The following CELF2 variants were observed in gnomAD, a reference collection of about 807,000 sequenced individuals.
CELF2 encodes CUG triplet repeat RNA-binding protein 2.
Under a neutral mutation model 62.6 loss-of-function variants are expected in CELF2, and 8 were observed. That is an observed-to-expected ratio of 0.13 (90% CI 0.07 to 0.23). CELF2 has a LOEUF of 0.23. Among genes scored for constraint, CELF2 ranks in the 10% least tolerant of loss-of-function variants. The pLI, the probability that CELF2 is intolerant of heterozygous loss-of-function variation, is 1.00. For synonymous variants in CELF2, 258 were observed against 250.0 expected (o/e 1.03, Z -0.30); for missense variants, 333 against 671.0 (o/e 0.50, Z 5.56).
rs1031754643 is a variant in CELF2 at position 11,316,268 on chromosome 10, A to G, written c.1096+2010A>G. Among the ~76,000 whole-genome samples, 2 of 152,386 alleles carry G rather than the reference A, an allele frequency of 1.3e-5. No homozygotes were observed. Among genetic ancestry groups the G allele is most frequent in the East Asian group, 3.9e-4 (2 of 5,192 alleles). On this transcript the variant is annotated intron_variant, in intron 10 of 12. Coordinates refer to ENST00000633077, the MANE Select transcript of CELF2 (RefSeq NM_001326342.2). The surrounding 1 kb of genome is among the most constrained non-coding windows in gnomAD (Gnocchi z 4.4). ...AGAAAACGAAGAAAGAATGTTTGTC[A>G]TTTCAAATAACCCCTGCTAGATAGT...
chr10:11,056,887 G>A (rs182385363), intron 1 of CELF2, among the ~76,000 whole-genome samples: 1 of 152,262 alleles, frequency 6.6e-6, no homozygotes, highest in Admixed American at 6.5e-5. Context: ...ACTGGGGGAA[G>A]TCTGTGCAGG....
chr10:11,225,477 T>G (rs775716309), intron 3 of CELF2, among the ~76,000 whole-genome samples: 2 of 152,228 alleles, frequency 1.3e-5, no homozygotes, highest in African/African-American at 4.8e-5. Context: ...ATCTCTACAC[T>G]GTGACTTAAC....
chr10:10,646,444 GT>G, the CELF2 span, among the ~76,000 whole-genome samples: 2 of 152,152 alleles, frequency 1.3e-5, no homozygotes, highest in Non-Finnish European at 2.9e-5. Context: ...GCTTCACTTG[GT>G]TTTTTGCACG....
At chr10:11,101,386 T>C (rs1439350719) in intron 1 of CELF2, among the ~76,000 whole-genome samples, 1 of 152,190 alleles carries the variant, frequency 6.6e-6, no homozygotes, top group African/African-American at 2.4e-5. Flanking sequence ...ATTTCAGCCA[T>C]GGGTGTGAAT....
At chr10:11,197,491 G>A (rs1171097357) in intron 2 of CELF2, among the ~76,000 whole-genome samples, 1 of 152,208 alleles carries the variant, frequency 6.6e-6, no homozygotes, top group Non-Finnish European at 1.5e-5. Flanking sequence ...ATCATTTTCT[G>A]TACTCTCCAG....
Position 10,823,571 on chromosome 10 carries a change from T to G in CELF2, c.53+24754T>G, listed in dbSNP as rs183070085. The stretch of plus-strand genomic sequence containing the variant: ...CTGTATGTGTATCTGTGTATGCATG[T>G]TTTCTTATGCACAAAAAAAAATAGA... On this transcript the variant is annotated intron_variant, in intron 1 of 13. Coordinates refer to the CELF2 transcript ENST00000636488. Among the ~76,000 whole-genome samples the G allele has an allele frequency of 5.1e-3, 534 of 104,272 alleles. 12 individuals carry two copies. Among genetic ancestry groups the G allele is most frequent in the Admixed American group, 5.1e-3 (50 of 9,820 alleles). 68.4% of individuals were successfully genotyped at this position (104,272 alleles called of 152,430 possible).
At chr10:10,715,069 T>C in the CELF2 span, among the ~76,000 whole-genome samples, 1 of 152,146 alleles carries the variant, frequency 6.6e-6, no homozygotes, top group African/African-American at 2.4e-5. Context: ...CTAGCAGCCA[T>C]AACCAATTGA....
chr10:11,249,433 A>G (rs2076510455), intron 4 of CELF2, among the ~76,000 whole-genome samples: 1 of 152,170 alleles, frequency 6.6e-6, no homozygotes, highest in South Asian at 2.1e-4. Context: ...TGTTACAAGC[A>G]GTGGCTTTCT....
intron 1 of CELF2, among the ~76,000 whole-genome samples, chr10:10,915,207 A>C (rs2064214592): frequency 6.6e-6 from 1 of 152,110 alleles, no homozygotes; most frequent in African/African-American, 2.4e-5. Context: ...ATGATAACTA[A>C]GGAAAGGAAA....
chr10:10,859,365 G>C (rs2133073611), intron 1 of CELF2, among the ~76,000 whole-genome samples: 1 of 152,244 alleles, frequency 6.6e-6, no homozygotes, highest in African/African-American at 2.4e-5. Context: ...TGGTTAAGAA[G>C]AGGCTAAATG....
chr10:10,752,509 T>C, the CELF2 span, among the ~76,000 whole-genome samples: 4 of 151,790 alleles, frequency 2.6e-5, no homozygotes, highest in African/African-American at 9.7e-5. Flanking sequence ...ACCAACATGG[T>C]GAAACCCCTT....
In CELF2 at chr10:11,184,070, T is replaced by C. The variant is rs989539195; in HGVS notation, c.271+18388T>C. 3.3e-5 allele frequency among the ~76,000 whole-genome samples: 5 copies of C among 152,238 alleles called. No homozygotes were observed. The South Asian group carries it at 1.0e-3, about 31-fold the overall frequency. ...TTTACATTTTAGTCTTTGATCTATT[T>C]TGAGTTAATTTTTATATTCAGCATG... On this transcript the variant is annotated intron_variant, in intron 2 of 12. Transcript: ENST00000633077.
At chr10:10,827,780 G>C (rs2057516340) in intron 1 of CELF2, among the ~76,000 whole-genome samples, 1 of 152,108 alleles carries the variant, frequency 6.6e-6, no homozygotes, top group South Asian at 2.1e-4. Flanking sequence ...GTATGTAGGA[G>C]AGAGAAAGCA....
chr10:11,199,047 A>G (rs1041727155), intron 2 of CELF2, among the ~76,000 whole-genome samples: 8 of 152,190 alleles, frequency 5.3e-5, no homozygotes, highest in African/African-American at 1.9e-4. Flanking sequence ...GTAACCATGG[A>G]TACCTTAGGA....
the CELF2 span, among the ~76,000 whole-genome samples, chr10:10,599,666 C>T: frequency 6.6e-6 from 1 of 151,470 alleles, no homozygotes; most frequent in Non-Finnish European, 1.5e-5. Flanking sequence ...CCACCTGCGA[C>T]GTGTTTTTAA....
intron 5 of CELF2, among the ~76,000 whole-genome samples, chr10:11,263,830 C>T (rs2081413813): frequency 6.6e-6 from 1 of 152,170 alleles, no homozygotes; most frequent in African/African-American, 2.4e-5. Context: ...TTACCGTGAC[C>T]TCCTGTTTTA....
At chr10:11,026,072 A>G (rs983833742) in intron 1 of CELF2, among the ~76,000 whole-genome samples, 10 of 61,100 alleles carry the variant, frequency 1.6e-4, no homozygotes, top group Non-Finnish European at 6.4e-4. Flanking sequence ...AGGAAGAAAA[A>G]CAGACTTCAC....
chr10:10,528,547 C>T, the CELF2 span, among the ~76,000 whole-genome samples: 21 of 152,182 alleles, frequency 1.4e-4, no homozygotes, highest in African/African-American at 4.8e-4. Context: ...GGTGAGCATG[C>T]ACCCCACTTA....
At chr10:10,491,892 C>T in the CELF2 span, among the ~76,000 whole-genome samples, 3 of 152,108 alleles carry the variant, frequency 2.0e-5, no homozygotes, top group South Asian at 4.2e-4. Context: ...TTTTCATAAA[C>T]ATGATCTTTT....
Sources: allele counts gnomAD v4.1 joint callset (sites outside exome capture counted in the v4.1 genomes callset), GRCh38; gene constraint gnomAD v4.1.1; non-coding constraint Gnocchi (gnomAD v3.1); transcripts MANE v1.5; gene names NCBI Gene and HGNC (gene_info 2026-07-23, HGNC 2026-07-21).